LCA5L: variants seen among roughly 807,000 people sequenced by gnomAD.
LCA5L encodes lebercilin LCA5 like, also known as lebercilin-like protein.
A neutral mutation model predicts 45.4 loss-of-function variants in LCA5L; 35 were observed. The ratio of observed to expected loss-of-function variants is 0.77; its 90% CI spans 0.59 to 1.02. LCA5L has a LOEUF of 1.02. LCA5L is among the 50% of genes least tolerant of loss of function. The pLI, the probability that LCA5L is intolerant of heterozygous loss-of-function variation, is 0.00. For missense variants in LCA5L, 668 were observed against 761.6 expected (o/e 0.88, Z 1.45); for synonymous variants, 233 against 264.7 (o/e 0.88, Z 1.16).
At chr21:39,433,278 C>T (rs1052827551) in intron 3 of LCA5L, among the ~76,000 whole-genome samples, 3 of 151,952 alleles carry the variant, frequency 2.0e-5, no homozygotes, top group Admixed American at 6.6e-5. Context: ...ATTAGCTGGG[C>T]GTGGTGGCGG....
intron 2 of LCA5L, among the ~76,000 whole-genome samples, chr21:39,442,740 G>A (rs556953468): frequency 6.6e-6 from 1 of 152,208 alleles, no homozygotes; most frequent in African/African-American, 2.4e-5. Context: ...TGTTGAATTG[G>A]AGGAGACTGA....
intron 3 of LCA5L, among the ~76,000 whole-genome samples, chr21:39,434,089 C>T (rs1253372902): frequency 6.6e-6 from 1 of 152,140 alleles, no homozygotes; most frequent in Non-Finnish European, 1.5e-5. Flanking sequence ...CAGAACCATC[C>T]TAAAATTTCT....
chr21:39,422,466 G>T (rs553482811), intron 6 of LCA5L: 1 of 155,426 alleles, frequency 6.4e-6, no homozygotes, highest in Non-Finnish European at 1.4e-5. Context: ...AACATTATCT[G>T]GGAAAAGCTG....
At position 39,423,257 on chromosome 21, in the gene LCA5L, T is replaced by C. The variant is rs536364031; in HGVS notation, c.556A>G (p.Ile186Val). 6.8e-6 allele frequency: 11 copies of C among 1,610,226 alleles called. No individual in the cohort carries two copies. The highest frequency in any genetic ancestry group is 4.5e-5 in the East Asian group (2 of 44,858). ...KQLQLRHLKAIGKYENSQNNL... is the reference protein window; with the variant it reads ...KQLQLRHLKAVGKYENSQNNL... ...TTTTGTGAATTCTCATATTTTCCTA[T>C]AGCTTTCAAATGCCTAAGCTGAAGT... is the stretch of plus-strand genomic sequence containing the variant. Residue 186 changes from isoleucine (I) to valine (V), a missense_variant, in exon 6 of 11, where the codon ATA becomes GTA. By Grantham distance (29) the Ile-to-Val change is conservative. Coordinates refer to ENST00000288350, the MANE Select transcript of LCA5L (RefSeq NM_152505.4).
intron 6 of LCA5L, 155 bp downstream of exon 6, chr21:39,422,821 G>T: frequency 1.4e-6 from 1 of 702,110 alleles, no homozygotes; most frequent in East Asian, 2.6e-5. Flanking sequence ...CTCCCTTTCT[G>T]TGCCCTCTAT....
Position 39,410,371 on chromosome 21 carries a change from T to C in LCA5L, c.1061-4A>G, listed in dbSNP as rs200052972. 142 of 1,500,180 alleles carry C rather than the reference T, an allele frequency of 9.5e-5. No homozygotes were observed. In the African/African-American group the frequency reaches 1.8e-3, roughly 19 times the overall value. 92.9% of individuals were successfully genotyped at this position (1,500,180 alleles called of 1,614,324 possible). The stretch of plus-strand genomic sequence containing the variant: ...TGGACTGATTTTGTTGAAGAAACTA[T>C]GGAACAGGTAGATTATATGTAAGAA... On this transcript the variant is annotated splice_polypyrimidine_tract_variant and splice_region_variant and intron_variant, in intron 8 of 10. Coordinates refer to ENST00000288350, the MANE Select transcript of LCA5L (RefSeq NM_152505.4).
At chr21:39,415,039 T>C (rs2040890142) in intron 7 of LCA5L, among the ~76,000 whole-genome samples, 1 of 152,092 alleles carries the variant, frequency 6.6e-6, no homozygotes, top group Admixed American at 6.5e-5. Flanking sequence ...GTAGCTGGGA[T>C]TACAGGCTTG....
chr21:39,422,994 T>C lies in LCA5L; in HGVS notation c.819A>G (p.Ala273=), dbSNP rs140322091. 6 of 1,613,420 alleles carry C rather than the reference T, an allele frequency of 3.7e-6. No individual in the cohort carries two copies. The African/African-American group carries it at 6.7e-5, about 18-fold the overall frequency. Residue 273 remains alanine, a synonymous_variant, in exon 6 of 11, where the codon GCA becomes GCG. Transcript: ENST00000288350. ...TACAGACCTGTATTTTTTTGTCATT[T>C]GCGTCCATTTTTGTTGTGATAATAG... ...KLSIITTKMD[A]NDKKIQSLEK...
At position 39,420,690 on chromosome 21, in the gene LCA5L, G is replaced by C. The variant is rs781306507; in HGVS notation, c.975+16C>G. ...AAACAGGATTTCATTCTTACATTTT[G>C]TTTTAAAAGAAATACCTTAAGTTTT... is the stretch of plus-strand genomic sequence containing the variant. On this transcript the variant is annotated intron_variant, in intron 7 of 10. Transcript: ENST00000288350. The C allele has an allele frequency of 3.8e-6, 6 of 1,599,918 alleles. No individual in the cohort carries two copies. Among genetic ancestry groups the C allele is most frequent in the Non-Finnish European group, 5.1e-6 (6 of 1,169,076 alleles).
At chr21:39,422,560 CACT>C (rs1488261360) in intron 6 of LCA5L, 1 of 226,740 alleles carries the variant, frequency 4.4e-6, no homozygotes, top group African/African-American at 2.3e-5. Flanking sequence ...TGAACGGATG[CACT>C]GAGTAGGTTT....
intron 2 of LCA5L, among the ~76,000 whole-genome samples, chr21:39,440,903 TA>T (rs2076771163): frequency 6.6e-6 from 1 of 152,346 alleles, no homozygotes; most frequent in East Asian, 1.9e-4. Context: ...AATGTGGTAT[TA>T]TATAGCTAAG....
intron 6 of LCA5L, 106 bp downstream of exon 6, chr21:39,422,870 G>C (rs1569097986): frequency 3.0e-6 from 3 of 1,010,114 alleles, no homozygotes; most frequent in East Asian, 4.8e-5. Flanking sequence ...GCCAAGTGAA[G>C]CAGTTAGTAA....
At chr21:39,440,045 ATATC>A (rs2076667668) in intron 2 of LCA5L, among the ~76,000 whole-genome samples, 1 of 152,178 alleles carries the variant, frequency 6.6e-6, no homozygotes, top group Admixed American at 6.5e-5. Context: ...ATGTGCATAT[ATATC>A]TATAAATGTA....
chr21:39,408,375 A>T (rs1344325298), intron 10 of LCA5L, among the ~76,000 whole-genome samples: 1 of 152,222 alleles, frequency 6.6e-6, no homozygotes, highest in African/African-American at 2.4e-5. Context: ...ACCAAGAAAG[A>T]GGAGGACTTG....
intron 5 of LCA5L, among the ~76,000 whole-genome samples, chr21:39,425,417 A>C (rs1026298631): frequency 2.0e-5 from 3 of 152,210 alleles, no homozygotes; most frequent in African/African-American, 7.2e-5. Flanking sequence ...AACATCAATA[A>C]CTGGTGGCCT....
chr21:39,438,036 T>C (rs764200413), intron 2 of LCA5L, among the ~76,000 whole-genome samples: 14 of 152,054 alleles, frequency 9.2e-5, no homozygotes, highest in Admixed American at 2.0e-4. Flanking sequence ...AAAATTCACA[T>C]AGAGAAATAA....
At chr21:39,424,394 T>A (rs977788152) in intron 5 of LCA5L, among the ~76,000 whole-genome samples, 1 of 152,114 alleles carries the variant, frequency 6.6e-6, no homozygotes, top group African/African-American at 2.4e-5. Context: ...GGCGGGAGGA[T>A]CCCTTGAGCC....
chr21:39,411,661 G>C, intron 8 of LCA5L, 57 bp downstream of exon 8: 1 of 850,880 alleles, frequency 1.2e-6, no homozygotes, highest in Non-Finnish European at 1.8e-6. Context: ...ATATAAATTA[G>C]GAAAATCTGA....
chr21:39,436,622 C>T (rs1288765018), intron 2 of LCA5L, among the ~76,000 whole-genome samples: 2 of 152,118 alleles, frequency 1.3e-5, no homozygotes, highest in Non-Finnish European at 2.9e-5. Context: ...GCTGGGACTA[C>T]AGGCATGTGT....
Sources: allele counts gnomAD v4.1 joint callset (sites outside exome capture counted in the v4.1 genomes callset), GRCh38; gene constraint gnomAD v4.1.1; transcripts MANE v1.5; gene names NCBI Gene and HGNC (gene_info 2026-07-23, HGNC 2026-07-21).